The following EXOC1 variants were observed in gnomAD, a reference collection of about 807,000 sequenced individuals.
The protein encoded by EXOC1 is SEC3-like 1.
A neutral mutation model predicts 107.7 loss-of-function variants in EXOC1; 67 were observed. The observed-to-expected ratio is 0.62, with a 90% confidence interval of 0.51 to 0.76. The LOEUF (loss-of-function observed/expected upper bound fraction) is 0.76, where lower values mean the gene tolerates loss of function less well. EXOC1 is among the 30% of genes least tolerant of loss of function. The pLI is 0.00. For synonymous variants in EXOC1, 348 were observed against 353.5 expected (o/e 0.98, Z 0.17); for missense variants, 833 against 1,055.7 (o/e 0.79, Z 2.92).
rs573229562 is a variant in EXOC1 at position 55,859,885 on chromosome 4, A to G, written c.125-526A>G. Among the ~76,000 whole-genome samples, 4 of 152,274 alleles carry G rather than the reference A, an allele frequency of 2.6e-5. No homozygotes were observed. In the East Asian group the frequency reaches 5.8e-4, roughly 22 times the overall value. On this transcript the variant is annotated intron_variant, in intron 2 of 18. Coordinates refer to ENST00000381295, the MANE Select transcript of EXOC1 (RefSeq NM_001024924.2). ...TGACTTTTTAGAATGACCTCACTCAATCGTAATGTATTTGTATTAGGCCAT... is the reference window on the plus strand; with the variant it reads ...TGACTTTTTAGAATGACCTCACTCAGTCGTAATGTATTTGTATTAGGCCAT...
At chr4:55,891,269 A>G (rs1167960712) in intron 12 of EXOC1, 46 bp from the exon 13 acceptor site, 1 of 1,176,712 alleles carries the variant, frequency 8.5e-7, no homozygotes, top group South Asian at 1.2e-5. Context: ...TATTTTAAGC[A>G]TTTGGTGCAG....
At chr4:55,862,080 TGTAA>T (rs1721531476) in intron 3 of EXOC1, among the ~76,000 whole-genome samples, 1 of 152,090 alleles carries the variant, frequency 6.6e-6, no homozygotes, top group South Asian at 2.1e-4. Flanking sequence ...AAAAAACTTC[TGTAA>T]GTAATTTTTA....
chr4:55,877,914 T>C lies in EXOC1; in HGVS notation c.1075-3T>C, dbSNP rs1478776437. ...ATTTATTTACTTATTTTACTCACTT[T>C]AGGGTCATGATCAGAGTTCGACTCT... On this transcript the variant is annotated splice_region_variant and splice_polypyrimidine_tract_variant and intron_variant, in intron 8 of 18. Coordinates refer to ENST00000381295, the MANE Select transcript of EXOC1 (RefSeq NM_001024924.2). 4 of 1,613,422 alleles carry C rather than the reference T, an allele frequency of 2.5e-6. No individual in the cohort carries two copies. The highest frequency in any genetic ancestry group is 2.7e-5 in the African/African-American group (2 of 74,896).
In EXOC1 at chr4:55,864,249, A is replaced by C. The variant is rs1403315395; in HGVS notation, c.278A>C (p.His93Pro). ...TAGGAAAATCCTGAATTTGATTTAC[A>C]CTTTGAAAAAATATATAAATGGGTT... The part of the protein sequence containing the change: ...AIKENPEFDL[H>P]FEKIYKWVAS... The change falls in exon 4 of 19, where the codon CAC becomes CCC. Residue 93 changes from histidine to proline, a missense_variant. This residue lies in a region of EXOC1 where 617 missense variants were observed against 701.3 expected (regional missense o/e 0.88). Transcript: ENST00000381295. The C allele has an allele frequency of 1.3e-6, 2 of 1,581,996 alleles. No homozygotes were observed. Among genetic ancestry groups the C allele is most frequent in the Non-Finnish European group, 1.7e-6 (2 of 1,163,942 alleles).
intron 5 of EXOC1, 50 bp from the exon 6 acceptor site, chr4:55,870,628 T>TG: frequency 7.6e-7 from 1 of 1,318,256 alleles, no homozygotes. Context: ...CAAGTATGTT[T>TG]TTTGTTTGTT....
At chr4:55,878,903 TTTAA>T (rs1723135991) in intron 9 of EXOC1, among the ~76,000 whole-genome samples, 1 of 151,666 alleles carries the variant, frequency 6.6e-6, no homozygotes, top group South Asian at 2.1e-4. Context: ...ATGAGGGAAA[TTTAA>T]TTAAGAACCT....
intron 17 of EXOC1, among the ~76,000 whole-genome samples, chr4:55,901,942 CT>C (rs1262375636): frequency 6.6e-6 from 1 of 151,798 alleles, no homozygotes; most frequent in African/African-American, 2.4e-5. Flanking sequence ...AGTAGATTTT[CT>C]AAAGTCTCAC....
chr4:55,862,563 A>G (rs1560330728), intron 3 of EXOC1, among the ~76,000 whole-genome samples: 1 of 152,168 alleles, frequency 6.6e-6, no homozygotes, highest in African/African-American at 2.4e-5. Context: ...TGTAAGTAAT[A>G]ATGCAATTAC....
chr4:55,872,806 C>A, intron 8 of EXOC1: 6 of 979,248 alleles, frequency 6.1e-6, no homozygotes, highest in Non-Finnish European at 6.1e-6. Flanking sequence ...TCTTTCGGTT[C>A]CTGTGAGTAC....
intron 5 of EXOC1, among the ~76,000 whole-genome samples, chr4:55,870,118 A>T (rs1296478249): frequency 6.6e-6 from 1 of 152,182 alleles, no homozygotes; most frequent in East Asian, 1.9e-4. Flanking sequence ...TATCGGCCGT[A>T]TGCTCTTCTA....
intron 18 of EXOC1, among the ~76,000 whole-genome samples, chr4:55,903,008 G>T (rs1027695059): frequency 4.0e-5 from 6 of 151,882 alleles, no homozygotes; most frequent in Admixed American, 2.6e-4. Context: ...GCTGGGCATG[G>T]TGGCACGTGC....
intron 1 of EXOC1, among the ~76,000 whole-genome samples, chr4:55,856,368 G>A (rs1211150148): frequency 1.3e-5 from 2 of 152,194 alleles, no homozygotes; most frequent in East Asian, 3.8e-4. Context: ...AACTTGGAGA[G>A]GCCAGATTAA....
intron 17 of EXOC1, among the ~76,000 whole-genome samples, chr4:55,901,955 A>G (rs1303762888): frequency 6.6e-6 from 1 of 152,184 alleles, no homozygotes; most frequent in Non-Finnish European, 1.5e-5. Context: ...AAGTCTCACT[A>G]GATTTGCCAA....
intron 1 of EXOC1, among the ~76,000 whole-genome samples, chr4:55,855,725 G>C (rs577314836): frequency 6.9e-4 from 105 of 152,268 alleles, no homozygotes; most frequent in African/African-American, 2.3e-3. Context: ...ATTTCCTAGG[G>C]AGAAGAGAAT....
At chr4:55,893,412 G>T (rs1316553906) in intron 14 of EXOC1, 140 bp from the exon 15 acceptor site, 9 of 779,968 alleles carry the variant, frequency 1.2e-5, no homozygotes, top group African/African-American at 1.8e-5. Context: ...GAGCCACCAC[G>T]CCTGGCTATT....
intron 1 of EXOC1, among the ~76,000 whole-genome samples, chr4:55,856,511 A>G (rs1720982781): frequency 6.6e-6 from 1 of 152,250 alleles, no homozygotes; most frequent in Non-Finnish European, 1.5e-5. Flanking sequence ...TGAGTAAAAT[A>G]TTGGAAAGAC....
rs1721389608 is a variant in EXOC1, at chr4:55,860,641, A to G, written c.255+100A>G. ...AAATGATCTAAAAACAAATTAATATATATGTTTGTTTTCTTATTTTTTTGC... is the reference window on the plus strand; with the variant it reads ...AAATGATCTAAAAACAAATTAATATGTATGTTTGTTTTCTTATTTTTTTGC... On this transcript the variant is annotated intron_variant, in intron 3 of 18. Transcript: ENST00000381295. The G allele has an allele frequency of 4.3e-6, 6 of 1,393,790 alleles. No homozygotes were observed. In the South Asian group the frequency reaches 4.4e-5, roughly 10 times the overall value. The allele number at this position is 1,393,790 out of a possible 1,614,324, so 86.3% of individuals were successfully genotyped here. A position where few individuals can be genotyped will look rare whatever the true frequency, so the allele number is the denominator to read the frequency against.
At chr4:55,893,883 C>A in intron 15 of EXOC1, 103 bp downstream of exon 15, 1 of 953,666 alleles carries the variant, frequency 1.0e-6, no homozygotes, top group Non-Finnish European at 1.5e-6. Context: ...GTTGGGGAAT[C>A]TGTTGTTTAT....
intron 1 of EXOC1, among the ~76,000 whole-genome samples, chr4:55,855,717 T>A (rs1307169127): frequency 6.6e-6 from 1 of 152,156 alleles, no homozygotes; most frequent in Non-Finnish European, 1.5e-5. Context: ...GAATTGTAAT[T>A]TCCTAGGGAG....
Sources: allele counts gnomAD v4.1 joint callset (sites outside exome capture counted in the v4.1 genomes callset), GRCh38; gene constraint gnomAD v4.1.1; regional missense constraint gnomAD v4.1.1; transcripts MANE v1.5; gene names NCBI Gene and HGNC (gene_info 2026-07-23, HGNC 2026-07-21).